Variants in MAOB observed in about 807,000 individuals in gnomAD.
The protein encoded by MAOB is amine oxidase [flavin-containing] B.
A neutral mutation model predicts 41.9 loss-of-function variants in MAOB; 15 were observed. That is an observed-to-expected ratio of 0.36 (90% CI 0.24 to 0.55). The LOEUF (loss-of-function observed/expected upper bound fraction) is 0.55, where lower values mean the gene tolerates loss of function less well. Among genes scored for constraint, MAOB ranks in the 20% least tolerant of loss-of-function variants. The pLI, the probability that MAOB is intolerant of heterozygous loss-of-function variation, is 0.86. For synonymous variants in MAOB, 167 were observed against 144.2 expected (o/e 1.16, Z -1.13); for missense variants, 345 against 398.7 (o/e 0.87, Z 1.15).
chrX:43,823,051 G>C (rs959635586), intron 3 of MAOB, among the ~76,000 whole-genome samples: 11 of 110,410 alleles, frequency 1.0e-4, no homozygotes, highest in African/African-American at 3.0e-4. Context: ...CAGAGGCACA[G>C]AGAGGTTAAG....
rs780732805 is a variant in MAOB, at chrX:43,797,143, C to T, written c.600G>A (p.Ser200=). ...KQCGGTTRII[S]TTNGGQERKF... is the part of the protein sequence containing the mutation. ...TGGGTACCTGTCCTCCATTTGTTGT[C>T]GAGATGATTCTTGTTGTGCCTCCAC... Residue 200 remains serine, a synonymous_variant, in exon 6 of 15, where the codon TCG becomes TCA. Transcript: ENST00000378069. 1.8e-5 allele frequency: 22 copies of T among 1,206,165 alleles called. No individual in the cohort carries two copies. Among genetic ancestry groups the T allele is most frequent in the African/African-American group, 1.2e-4 (7 of 56,922 alleles).
chrX:43,809,602 G>A (rs1298877425), intron 3 of MAOB, among the ~76,000 whole-genome samples: 2 of 111,836 alleles, frequency 1.8e-5, no homozygotes, highest in African/African-American at 6.5e-5. Flanking sequence ...GGGAGTAAGT[G>A]GGGTAAGGAG....
At chrX:43,871,450 G>A (rs2035407064) in intron 1 of MAOB, among the ~76,000 whole-genome samples, 1 of 108,193 alleles carries the variant, frequency 9.2e-6, no homozygotes, top group East Asian at 3.0e-4. Context: ...CTCCTTCAGG[G>A]CCTCTGAGGC....
chrX:43,779,376 AT>A lies in MAOB; in HGVS notation c.1080-638del, dbSNP rs11320541. 3.4e-3 allele frequency among the ~76,000 whole-genome samples: 383 copies of A among 112,116 alleles called. 2 individuals are homozygous for A. Among genetic ancestry groups the A allele is most frequent in the African/African-American group, 0.011 (353 of 30,893 alleles). On this transcript the variant is annotated intron_variant, in intron 10 of 14. Transcript: ENST00000378069. ...AAAATATGTTTCAGAAGGATCAAAG[AT>A]TTACATATAATAGGTCAGACCATAA... is the stretch of plus-strand genomic sequence containing the variant.
chrX:43,778,266 T>C (rs1398694463), intron 11 of MAOB, among the ~76,000 whole-genome samples: 2 of 110,898 alleles, frequency 1.8e-5, no homozygotes, highest in African/African-American at 6.6e-5. Context: ...AGTGAGACTC[T>C]GTCCTTCTTA....
intron 7 of MAOB, among the ~76,000 whole-genome samples, chrX:43,795,526 C>T (rs1316021503): frequency 5.4e-5 from 6 of 111,374 alleles, no homozygotes; most frequent in African/African-American, 2.0e-4. Context: ...CCATCCCCTC[C>T]CTGGAGGCTG....
rs367834199 is a variant in MAOB at position 43,822,846 on chromosome X, T to TCAC, written c.279+16019_279+16021dup. Among the ~76,000 whole-genome samples the TCAC allele has an allele frequency of 5.1e-3, 560 of 110,717 alleles. 4 individuals are homozygous for TCAC. Among genetic ancestry groups the TCAC allele is most frequent in the African/African-American group, 0.017 (512 of 30,449 alleles). ...ATTACCATCATCACCATCACCATCA[T>TCAC]CACCACCACCACCACCAGTATCATC... On this transcript the variant is annotated intron_variant, in intron 3 of 14. Transcript: ENST00000378069.
chrX:43,875,949 T>G (rs776417343), intron 1 of MAOB, among the ~76,000 whole-genome samples: 2 of 110,707 alleles, frequency 1.8e-5, no homozygotes, highest in Non-Finnish European at 3.8e-5. Flanking sequence ...ATAACCACAT[T>G]TATTTATTAA....
intron 1 of MAOB, among the ~76,000 whole-genome samples, chrX:43,854,074 T>C (rs761259040): frequency 8.9e-6 from 1 of 111,995 alleles, no homozygotes; most frequent in African/African-American, 3.2e-5. Context: ...TCCAGAATGG[T>C]TTTTCTTATG....
chrX:43,865,628 A>T (rs2035359932), intron 1 of MAOB, among the ~76,000 whole-genome samples: 1 of 111,702 alleles, frequency 9.0e-6, no homozygotes, highest in African/African-American at 3.2e-5. Context: ...ACTCAATAAG[A>T]TTGATTATTG....
At position 43,767,353 on chromosome X, in the gene MAOB, TCCCCGC is replaced by T; in HGVS notation, c.*107_*112del. The T allele has an allele frequency of 1.3e-6, 1 of 746,533 alleles. No homozygotes were observed. Among genetic ancestry groups the T allele is most frequent in the Admixed American group, 3.5e-5 (1 of 28,768 alleles). The allele number at this position is 746,533 out of a possible 1,213,427, so 61.5% of individuals were successfully genotyped here. On this transcript the variant is annotated 3_prime_UTR_variant, in exon 15 of 15. Transcript: ENST00000378069. The stretch of plus-strand genomic sequence containing the variant: ...GTCAGAGTTGGATTTATCTTCATGC[TCCCCGC>T]CTCACTCCACACTATTTGTCTTCAT...
At chrX:43,773,933 A>T (rs1358702759) in intron 12 of MAOB, among the ~76,000 whole-genome samples, 1 of 111,964 alleles carries the variant, frequency 8.9e-6, no homozygotes, top group African/African-American at 3.2e-5. Flanking sequence ...CACAGTCAGC[A>T]TATCTAAAAA....
At chrX:43,834,480 T>C (rs962612949) in intron 3 of MAOB, among the ~76,000 whole-genome samples, 1 of 112,360 alleles carries the variant, frequency 8.9e-6, no homozygotes, top group African/African-American at 3.2e-5. Flanking sequence ...TCTCAATATT[T>C]CTACTCTAAT....
At chrX:43,815,564 C>A (rs1331067188) in intron 3 of MAOB, among the ~76,000 whole-genome samples, 1 of 111,788 alleles carries the variant, frequency 8.9e-6, no homozygotes, top group African/African-American at 3.3e-5. Context: ...GGGACAAGGG[C>A]TCCTCTGAAA....
intron 1 of MAOB, among the ~76,000 whole-genome samples, chrX:43,875,593 C>A (rs1215538212): frequency 3.6e-5 from 4 of 111,768 alleles, no homozygotes; most frequent in African/African-American, 9.7e-5. Context: ...ATTTCCAAAG[C>A]ATTCTCTTGT....
chrX:43,798,329 G>A (rs1342376846), intron 5 of MAOB, among the ~76,000 whole-genome samples: 1 of 112,245 alleles, frequency 8.9e-6, no homozygotes, highest in African/African-American at 3.2e-5. Flanking sequence ...AATGATTGAT[G>A]AGAAATATCA....
At chrX:43,771,115 G>A (rs943601597) in intron 12 of MAOB, among the ~76,000 whole-genome samples, 1 of 111,768 alleles carries the variant, frequency 8.9e-6, no homozygotes, top group Non-Finnish European at 1.9e-5. Context: ...ACAAAAAGGA[G>A]AAGAAAATAC....
chrX:43,870,510 T>C (rs2035395690), intron 1 of MAOB, among the ~76,000 whole-genome samples: 1 of 111,457 alleles, frequency 9.0e-6, no homozygotes, highest in African/African-American at 3.3e-5. Context: ...TGGAGGCCAT[T>C]AAAGAACATG....
intron 3 of MAOB, among the ~76,000 whole-genome samples, chrX:43,804,558 CAG>C (rs1382087149): frequency 9.0e-6 from 1 of 110,780 alleles, no homozygotes; most frequent in African/African-American, 3.3e-5. Context: ...GAGAGAGAGA[CAG>C]AGACAGAGAG....
Sources: allele counts gnomAD v4.1 joint callset (sites outside exome capture counted in the v4.1 genomes callset), GRCh38; gene constraint gnomAD v4.1.1; transcripts MANE v1.5; gene names NCBI Gene and HGNC (gene_info 2026-07-23, HGNC 2026-07-21).